NOTCH2: variants seen among roughly 807,000 people sequenced by gnomAD.
NOTCH2 encodes the protein neurogenic locus notch homolog protein 2.
A neutral mutation model predicts 235.8 loss-of-function variants in NOTCH2; 29 were observed. The ratio of observed to expected loss-of-function variants is 0.12; its 90% CI spans 0.09 to 0.17. The LOEUF (loss-of-function observed/expected upper bound fraction) is 0.17, where lower values mean the gene tolerates loss of function less well. Among genes scored for constraint, NOTCH2 ranks in the 10% least tolerant of loss-of-function variants. The pLI is 1.00. For synonymous variants in NOTCH2, 1,086 were observed against 1,141.5 expected (o/e 0.95, Z 0.98); for missense variants, 2,285 against 3,150.2 (o/e 0.73, Z 6.57).
At chr1:120,002,372 AG>A (rs774671409) in intron 3 of NOTCH2, among the ~76,000 whole-genome samples, 1 of 150,436 alleles carries the variant, frequency 6.6e-6, no homozygotes, top group Non-Finnish European at 1.5e-5. Context: ...AACGGAGGTA[AG>A]AAAGAGTATT....
At chr1:119,999,980 GA>G (rs1652677026) in intron 3 of NOTCH2, among the ~76,000 whole-genome samples, 1 of 73,308 alleles carries the variant, frequency 1.4e-5, no homozygotes, top group African/African-American at 1.1e-4. Flanking sequence ...AGAAAGAAAG[GA>G]AGGAAGGAAG....
chr1:119,937,155 CG>C, intron 21 of NOTCH2, 126 bp downstream of exon 21: 2 of 937,018 alleles, frequency 2.1e-6, no homozygotes, highest in East Asian at 5.0e-5. Flanking sequence ...AACATTATGA[CG>C]GGGATTGGTA....
In NOTCH2 at chr1:119,915,488, G is replaced by A. The variant is rs1456483605; in HGVS notation, c.7234C>T (p.His2412Tyr). Residue 2412 changes from histidine (H) to tyrosine (Y), a missense_variant, in exon 34 of 34, where the codon CAT becomes TAT. Physicochemically the swap from His to Tyr is moderately conservative, Grantham distance 83. Transcript: ENST00000256646. ...PSHSGHLQGE[H>Y]PYLTPSPESP... ...TCTGGGGATGGTGTCAGGTAGGGAT[G>A]CTCACCCTGGAGGTGACCACTGTGA... 1.9e-6 allele frequency: 3 copies of A among 1,614,136 alleles called. No individual in the cohort carries two copies. The highest frequency in any genetic ancestry group is 2.5e-6 in the Non-Finnish European group (3 of 1,180,032).
At position 120,023,826 on chromosome 1, in the gene NOTCH2, A is replaced by G. The variant is rs2603869; in HGVS notation, c.155+6080T>C. ...ACTCTGAACCTCTCTAAGAAGCCCAAGTTAATGAACTGGTAATTATTTTAT... is the reference window on the plus strand; with the variant it reads ...ACTCTGAACCTCTCTAAGAAGCCCAGGTTAATGAACTGGTAATTATTTTAT... On this transcript the variant is annotated intron_variant, in intron 2 of 33. Coordinates refer to ENST00000256646, the MANE Select transcript of NOTCH2 (RefSeq NM_024408.4). Among the ~76,000 whole-genome samples the G allele has an allele frequency of 2.3e-4, 33 of 144,336 alleles. 1 individual carries two copies. The highest frequency in any genetic ancestry group is 7.6e-4 in the African/African-American group (28 of 36,950). The allele number at this position is 144,336 out of a possible 152,430, so 94.7% of individuals were successfully genotyped here.
rs74944958 is a variant in NOTCH2, at chr1:119,967,160, A to G, written c.1453+273T>C. 1.9e-3 allele frequency among the ~76,000 whole-genome samples: 291 copies of G among 152,322 alleles called. 7 individuals are homozygous for G. In the East Asian group the frequency reaches 0.053, roughly 28 times the overall value. On this transcript the variant is annotated intron_variant, in intron 8 of 33. Transcript: ENST00000256646. ...TTGCTATTTAAAGGATTCTTACAGT[A>G]AATCATTTTTGAAATTTTCTATTAC...
intron 17 of NOTCH2, among the ~76,000 whole-genome samples, chr1:119,942,327 A>G (rs1395358292): frequency 6.6e-6 from 1 of 152,246 alleles, no homozygotes; most frequent in Non-Finnish European, 1.5e-5. Context: ...TTTAAGCTAC[A>G]GTCATGCCAC....
chr1:119,983,335 TAG>T (rs1553201885), intron 5 of NOTCH2, among the ~76,000 whole-genome samples: 4 of 152,044 alleles, frequency 2.6e-5, no homozygotes, highest in Non-Finnish European at 5.9e-5. Context: ...GTATTTTTTG[TAG>T]AGACAGGGTT....
intron 5 of NOTCH2, among the ~76,000 whole-genome samples, chr1:119,982,507 C>CT (rs782748242): frequency 6.6e-6 from 1 of 152,176 alleles, no homozygotes; most frequent in Non-Finnish European, 1.5e-5. Flanking sequence ...TTAATCTACA[C>CT]TGCTCTAATA....
At chr1:120,065,616 T>A (rs1334948097) in intron 1 of NOTCH2, among the ~76,000 whole-genome samples, 5 of 152,182 alleles carry the variant, frequency 3.3e-5, no homozygotes, top group Admixed American at 1.3e-4. Context: ...GTGGCTCTCC[T>A]ACAAGGTCAC....
At chr1:119,926,911 T>A (rs587677241) in intron 23 of NOTCH2, among the ~76,000 whole-genome samples, 1 of 152,336 alleles carries the variant, frequency 6.6e-6, no homozygotes, top group African/African-American at 2.4e-5. Flanking sequence ...GAAATCACAC[T>A]TCAGCTTTTT....
rs1356467713 is a variant in NOTCH2 at position 119,913,425 on chromosome 1, C to T, written c.*1881G>A. The T allele has an allele frequency of 1.3e-5, 3 of 233,072 alleles. No individual in the cohort carries two copies. Among genetic ancestry groups the T allele is most frequent in the Admixed American group, 5.6e-5 (1 of 17,762 alleles). 14.4% of individuals were successfully genotyped at this position (233,072 alleles called of 1,614,324 possible). A position where few individuals can be genotyped will look rare whatever the true frequency, so the allele number is the denominator to read the frequency against. On this transcript the variant is annotated 3_prime_UTR_variant, in exon 34 of 34. Transcript: ENST00000256646. ...CAGCCATAGAAGGAATGAGAACTGT[C>T]ATTCAAACCAAAAGAGTCGGGAATT...
At chr1:119,940,784 T>A (rs367765649) in intron 18 of NOTCH2, 28 bp from the exon 19 acceptor site, 6 of 1,592,924 alleles carry the variant, frequency 3.8e-6, no homozygotes, top group Non-Finnish European at 5.2e-6. Context: ...CAACATCAGC[T>A]ATGTATCTGG....
At chr1:119,956,951 G>A (rs2493413) in intron 12 of NOTCH2, among the ~76,000 whole-genome samples, 25,361 of 152,038 alleles carry the variant, frequency 0.17, 2,894 homozygotes, top group African/African-American at 0.32. Context: ...TTTTGGGCTA[G>A]GTAACTAAAA....
chr1:119,921,784 C>A lies in NOTCH2; in HGVS notation c.5239G>T (p.Ala1747Ser). ...LKNLSVQVSE[A>S]NLIGTGTSEH... ...CTTGTTCCAGTACCAATTAGGTTAG[C>A]TTCTGAGACTTGCACTGAGAGATTT... Residue 1747 changes from alanine (A) to serine (S), a missense_variant, in exon 29 of 34, where the codon GCT becomes TCT. Ala to Ser is a moderately conservative substitution (Grantham distance 99). Coordinates refer to ENST00000256646, the MANE Select transcript of NOTCH2 (RefSeq NM_024408.4). The A allele has an allele frequency of 6.2e-7, 1 of 1,613,968 alleles. No homozygotes were observed. Among genetic ancestry groups the A allele is most frequent in the Non-Finnish European group, 8.5e-7 (1 of 1,179,838 alleles).
chr1:119,925,948 G>A, intron 24 of NOTCH2, 138 bp from the exon 25 acceptor site: 1 of 1,034,676 alleles, frequency 9.7e-7, no homozygotes, highest in Middle Eastern at 2.0e-4. Context: ...TACTAGACAG[G>A]TTTCCTTTTG....
At chr1:120,001,620 GTTGA>G (rs1220478876) in intron 3 of NOTCH2, among the ~76,000 whole-genome samples, 3 of 152,042 alleles carry the variant, frequency 2.0e-5, no homozygotes, top group African/African-American at 7.2e-5. Flanking sequence ...TTGGTGGCAG[GTTGA>G]TTATGTTGGA....
At chr1:119,958,591 A>G (rs1344777502) in intron 12 of NOTCH2, among the ~76,000 whole-genome samples, 1 of 152,178 alleles carries the variant, frequency 6.6e-6, no homozygotes, top group Non-Finnish European at 1.5e-5. Context: ...CCTTCTGATG[A>G]TGCCAAGAAG....
In NOTCH2 at chr1:119,948,398, T is replaced by C; in HGVS notation, c.2752+16A>G. On this transcript the variant is annotated intron_variant, in intron 17 of 33. Coordinates refer to ENST00000256646, the MANE Select transcript of NOTCH2 (RefSeq NM_024408.4). ...TCCTCTCCTCTGGGGGCTTAAGAGC[T>C]GACTGGCATACTCACTGGCAAGGCA... 3.7e-6 allele frequency: 6 copies of C among 1,613,914 alleles called. No homozygotes were observed. Among genetic ancestry groups the C allele is most frequent in the Non-Finnish European group, 5.1e-6 (6 of 1,180,024 alleles).
chr1:119,996,295 C>T (rs1652444007), intron 4 of NOTCH2: 1 of 284,996 alleles, frequency 3.5e-6, no homozygotes, highest in Non-Finnish European at 6.8e-6. Context: ...TGTGTGTGCA[C>T]TCTAGAACAC....
Sources: gnomAD v4.1 joint callset for allele counts (sites outside exome capture counted in the v4.1 genomes callset) on GRCh38, gnomAD v4.1.1 for gene constraint, MANE v1.5 for transcripts, NCBI Gene and HGNC (gene_info 2026-07-23, HGNC 2026-07-21) for gene names.